Variants in ATG13 observed in about 807,000 individuals in gnomAD.
ATG13 encodes autophagy related 13.
Under a neutral mutation model 65.5 loss-of-function variants are expected in ATG13, and 23 were observed. The observed-to-expected ratio is 0.35, with a 90% CI of 0.25 to 0.50. The LOEUF (loss-of-function observed/expected upper bound fraction) is 0.50, where lower values mean the gene tolerates loss of function less well. ATG13 is among the 20% of genes least tolerant of loss of function. ATG13 has a pLI of 0.98. For synonymous variants in ATG13, 252 were observed against 245.2 expected (o/e 1.03, Z -0.26); for missense variants, 566 against 677.0 (o/e 0.84, Z 1.82).
chr11:46,659,274 C>T (rs949955309), intron 10 of ATG13, 118 bp from the exon 11 acceptor site: 90 of 737,110 alleles, frequency 1.2e-4, no homozygotes, highest in East Asian at 5.4e-4. Flanking sequence ...CTTGCCAGTA[C>T]GAACTGTGTG....
intron 2 of ATG13, among the ~76,000 whole-genome samples, chr11:46,636,867 A>G (rs1210998416): frequency 6.6e-6 from 1 of 152,006 alleles, no homozygotes; most frequent in Non-Finnish European, 1.5e-5. Flanking sequence ...AGCGGGGACT[A>G]CAGGCGCACA....
At chr11:46,642,222 A>G (rs1253051621) in intron 2 of ATG13, among the ~76,000 whole-genome samples, 1 of 151,902 alleles carries the variant, frequency 6.6e-6, no homozygotes, top group Non-Finnish European at 1.5e-5. Flanking sequence ...ATCCATGTTT[A>G]AAACTCTGCT....
chr11:46,657,991 C>T (rs1361257234), intron 10 of ATG13, among the ~76,000 whole-genome samples: 1 of 151,984 alleles, frequency 6.6e-6, no homozygotes, highest in African/African-American at 2.4e-5. Flanking sequence ...ATTGCTTGAA[C>T]CTGGGAGGCA....
At chr11:46,640,196 G>A (rs1378418369) in intron 2 of ATG13, among the ~76,000 whole-genome samples, 2 of 152,162 alleles carry the variant, frequency 1.3e-5, no homozygotes, top group Non-Finnish European at 2.9e-5. Flanking sequence ...CAGGGAGCCT[G>A]TCTGTAGAAC....
At chr11:46,618,536 A>T (rs1159443695) in intron 1 of ATG13, among the ~76,000 whole-genome samples, 1 of 152,222 alleles carries the variant, frequency 6.6e-6, no homozygotes, top group Non-Finnish European at 1.5e-5. Flanking sequence ...AAGAGATTTT[A>T]AAAAATTACC....
In ATG13 at chr11:46,673,886, C is replaced by T. The variant is rs2064251871; in HGVS notation, c.*1554C>T. Reference sequence around the variant, plus strand: ...TGGTTCTCAGCTGCTTGTTAGTATACTGCATGTGACACTGTTCCCACATAC... The same window carrying T: ...TGGTTCTCAGCTGCTTGTTAGTATATTGCATGTGACACTGTTCCCACATAC... On this transcript the variant is annotated 3_prime_UTR_variant, in exon 19 of 19. Coordinates refer to ENST00000683050, the MANE Select transcript of ATG13 (RefSeq NM_001346311.2). The T allele has an allele frequency of 6.6e-6, 1 of 152,190 alleles. No individual in the cohort carries two copies. The highest frequency in any genetic ancestry group is 1.5e-5 in the Non-Finnish European group (1 of 68,050). 9.4% of individuals were successfully genotyped at this position (152,190 alleles called of 1,614,324 possible).
chr11:46,628,877 T>C (rs1294080520), intron 1 of ATG13, among the ~76,000 whole-genome samples: 1 of 152,032 alleles, frequency 6.6e-6, no homozygotes, highest in African/African-American at 2.4e-5. Flanking sequence ...CCTATCACTT[T>C]AACTTTTCCC....
intron 1 of ATG13, among the ~76,000 whole-genome samples, chr11:46,622,086 TA>T: frequency 3.0e-5 from 1 of 33,128 alleles, no homozygotes; most frequent in African/African-American, 2.8e-4. Flanking sequence ...CATATATATA[TA>T]TATATATATA....
intron 2 of ATG13, chr11:46,632,535 G>T (rs1023775808): frequency 6.6e-6 from 1 of 152,194 alleles, no homozygotes; most frequent in Non-Finnish European, 1.5e-5. Context: ...AGCAGCTGAT[G>T]TGTGGCCTTA....
At chr11:46,668,362 A>G in intron 15 of ATG13, 137 bp from the exon 16 acceptor site, 1 of 811,744 alleles carries the variant, frequency 1.2e-6, no homozygotes, top group Non-Finnish European at 2.0e-6. Context: ...GCCTCTAACA[A>G]GGCAGGAGCC....
rs1406206383 is a variant in ATG13, at chr11:46,673,057, G to A, written c.*725G>A. 2 of 194,612 alleles carry A rather than the reference G, an allele frequency of 1.0e-5. No individual in the cohort carries two copies. Among genetic ancestry groups the A allele is most frequent in the Admixed American group, 5.4e-5 (1 of 18,650 alleles). 12.1% of individuals were successfully genotyped at this position (194,612 alleles called of 1,614,324 possible). On this transcript the variant is annotated 3_prime_UTR_variant, in exon 19 of 19. Coordinates refer to ENST00000683050, the MANE Select transcript of ATG13 (RefSeq NM_001346311.2). ...CTGAATCTCTAGGATTTTGTCACTT[G>A]GAGTCACAGCAAAGTTCTCTTCCTC... is the stretch of plus-strand genomic sequence containing the variant.
intron 1 of ATG13, 166 bp downstream of exon 1, chr11:46,618,056 C>T (rs1188671838): frequency 2.5e-6 from 1 of 396,284 alleles, no homozygotes; most frequent in Non-Finnish European, 4.4e-6. Flanking sequence ...TGGTCTAGGC[C>T]CCGTTGGCCC....
intron 2 of ATG13, among the ~76,000 whole-genome samples, chr11:46,640,070 C>CT (rs2055438133): frequency 6.6e-6 from 1 of 151,916 alleles, no homozygotes; most frequent in Non-Finnish European, 1.5e-5. Flanking sequence ...GTCTCAAACT[C>CT]TTGGACTAAA....
intron 1 of ATG13, among the ~76,000 whole-genome samples, chr11:46,623,125 A>G (rs1487399579): frequency 6.6e-6 from 1 of 151,704 alleles, no homozygotes; most frequent in Non-Finnish European, 1.5e-5. Flanking sequence ...TGTCTCTACT[A>G]AAAATACAAA....
chr11:46,636,557 C>CAAAAA (rs374517009), intron 2 of ATG13, among the ~76,000 whole-genome samples: 4 of 47,264 alleles, frequency 8.5e-5, no homozygotes, highest in Non-Finnish European at 1.7e-4. Context: ...GACTCCGTCT[C>CAAAAA]AAAAAAAAAA....
At chr11:46,649,843 C>A (rs12280002) in intron 6 of ATG13, among the ~76,000 whole-genome samples, 5 of 152,062 alleles carry the variant, frequency 3.3e-5, no homozygotes, top group Admixed American at 3.3e-4. Flanking sequence ...GTTAGATTAT[C>A]GAGATAGACA....
intron 1 of ATG13, among the ~76,000 whole-genome samples, chr11:46,626,080 C>G (rs982271011): frequency 1.3e-5 from 2 of 152,144 alleles, no homozygotes; most frequent in African/African-American, 4.8e-5. Flanking sequence ...CTCAGCCTCC[C>G]AAGTAGCTGG....
intron 2 of ATG13, among the ~76,000 whole-genome samples, chr11:46,637,835 A>C (rs760604790): frequency 1.3e-5 from 2 of 152,180 alleles, no homozygotes; most frequent in Non-Finnish European, 2.9e-5. Context: ...GGCATAGGGC[A>C]GCTGGCGGCA....
intron 8 of ATG13, 95 bp from the exon 9 acceptor site, chr11:46,657,000 A>G: frequency 9.8e-7 from 1 of 1,024,538 alleles, no homozygotes; most frequent in East Asian, 2.4e-5. Context: ...AATGCCAGAG[A>G]TTACACAATA....
Sources: gnomAD v4.1 joint callset for allele counts (sites outside exome capture counted in the v4.1 genomes callset) on GRCh38, gnomAD v4.1.1 for gene constraint, MANE v1.5 for transcripts, NCBI Gene and HGNC (gene_info 2026-07-23, HGNC 2026-07-21) for gene names.